CCDC126: variants seen among roughly 807,000 people sequenced by gnomAD.
The protein encoded by CCDC126 is coiled-coil domain containing 126.
A neutral mutation model predicts 11.7 loss-of-function variants in CCDC126; 5 were observed. The ratio of observed to expected loss-of-function variants is 0.43; its 90% CI spans 0.22 to 0.90. CCDC126 has a LOEUF of 0.90. CCDC126 is among the 40% of genes least tolerant of loss of function. The pLI, the probability that CCDC126 is intolerant of heterozygous loss-of-function variation, is 0.27. For missense variants in CCDC126, 150 were observed against 163.1 expected, an observed-to-expected ratio of 0.92 and a Z score of 0.44; for synonymous variants, 60 against 61.9, an observed-to-expected ratio of 0.97 and a Z score of 0.14.
chr7:23,630,542 C>G (rs1783092003), intron 3 of CCDC126, among the ~76,000 whole-genome samples: 1 of 151,144 alleles, frequency 6.6e-6, no homozygotes, highest in African/African-American at 2.4e-5. Flanking sequence ...TGTGGTGGCT[C>G]ACACCTGTAA....
intron 3 of CCDC126, among the ~76,000 whole-genome samples, chr7:23,630,071 G>A (rs1487177837): frequency 6.6e-6 from 1 of 152,168 alleles, no homozygotes; most frequent in Non-Finnish European, 1.5e-5. Context: ...AAAGAGACCA[G>A]CCTTACCTAT....
intron 3 of CCDC126, chr7:23,622,814 C>CCCT: frequency 2.3e-6 from 1 of 441,142 alleles, no homozygotes; most frequent in Non-Finnish European, 4.4e-6. Flanking sequence ...ATTACAGAGC[C>CCCT]CCTCCATTCT....
chr7:23,598,515 A>C (rs781447634), intron 2 of CCDC126: 6 of 152,226 alleles, frequency 3.9e-5, no homozygotes, highest in Non-Finnish European at 8.8e-5. Context: ...GATCAGCTTC[A>C]GAGGTACAAG....
At chr7:23,638,712 TA>T (rs1176764880) in intron 3 of CCDC126, among the ~76,000 whole-genome samples, 11,616 of 44,208 alleles carry the variant, frequency 0.26, 637 homozygotes, top group African/African-American at 0.36. Context: ...GAATGATCAA[TA>T]AAAAAAAAAA....
chr7:23,625,657 T>TC (rs1390746782), intron 3 of CCDC126, among the ~76,000 whole-genome samples: 2 of 137,186 alleles, frequency 1.5e-5, no homozygotes, highest in East Asian at 4.1e-4. Flanking sequence ...TGATTTTTTT[T>TC]TTTTTTTTTT....
At position 23,597,998 on chromosome 7, in the gene CCDC126, A is replaced by C. The variant is rs991938484; in HGVS notation, c.-199A>C. 2 of 152,238 alleles carry C rather than the reference A, an allele frequency of 1.3e-5. No homozygotes were observed. Among genetic ancestry groups the C allele is most frequent in the African/African-American group, 4.8e-5 (2 of 41,458 alleles). 9.4% of individuals were successfully genotyped at this position (152,238 alleles called of 1,614,324 possible). A position where few individuals can be genotyped will look rare whatever the true frequency, so the allele number is the denominator to read the frequency against. On this transcript the variant is annotated 5_prime_UTR_variant, in exon 2 of 4. Coordinates refer to ENST00000307471, the MANE Select transcript of CCDC126 (RefSeq NM_138771.4). ...TCTCTTCTACTTTGGGAGAGAGAGA[A>C]AGTCAGATGCCCCTTTTAAACTCCC... is the stretch of plus-strand genomic sequence containing the variant.
At chr7:23,621,586 G>T (rs1370505842) in intron 3 of CCDC126, among the ~76,000 whole-genome samples, 1 of 152,154 alleles carries the variant, frequency 6.6e-6, no homozygotes, top group Middle Eastern at 3.2e-3. Context: ...TCTCCTGCCT[G>T]ATTGCCCTGG....
chr7:23,643,300 C>T lies in CCDC126; in HGVS notation c.*185C>T. 3.6e-6 allele frequency: 2 copies of T among 556,202 alleles called. No individual in the cohort carries two copies. The highest frequency in any genetic ancestry group is 6.1e-6 in the Non-Finnish European group (2 of 329,224). The allele number at this position is 556,202 out of a possible 1,614,324, so 34.5% of individuals were successfully genotyped here. ...TAAAAATTTTAAAGTTATTTGTTTGCTTTCAGGCAAGTCTGTTCAATGCTG... is the reference window on the plus strand; with the variant it reads ...TAAAAATTTTAAAGTTATTTGTTTGTTTTCAGGCAAGTCTGTTCAATGCTG... On this transcript the variant is annotated 3_prime_UTR_variant, in exon 4 of 4. Coordinates refer to ENST00000307471, the MANE Select transcript of CCDC126 (RefSeq NM_138771.4).
intron 2 of CCDC126, among the ~76,000 whole-genome samples, chr7:23,608,087 T>G (rs1466877968): frequency 6.6e-6 from 1 of 152,212 alleles, no homozygotes; most frequent in Non-Finnish European, 1.5e-5. Flanking sequence ...CAATTGAGCT[T>G]CATACCCATT....
chr7:23,600,385 C>CT (rs1446164598), intron 2 of CCDC126, among the ~76,000 whole-genome samples: 2 of 145,684 alleles, frequency 1.4e-5, no homozygotes, highest in East Asian at 2.1e-4. Context: ...CCCCCCCCCC[C>CT]CCACCACCAT....
At chr7:23,637,890 C>T (rs1783266749) in intron 3 of CCDC126, among the ~76,000 whole-genome samples, 2 of 118,508 alleles carry the variant, frequency 1.7e-5, no homozygotes, top group African/African-American at 6.1e-5. Flanking sequence ...AGGTGAGGGG[C>T]GCCTCTGCCC....
chr7:23,630,914 C>A (rs1056383499), intron 3 of CCDC126, among the ~76,000 whole-genome samples: 1 of 151,652 alleles, frequency 6.6e-6, no homozygotes, highest in Non-Finnish European at 1.5e-5. Flanking sequence ...GGACAACATA[C>A]TTCTAAATAA....
At chr7:23,631,466 A>G (rs1467077049) in intron 3 of CCDC126, among the ~76,000 whole-genome samples, 1 of 152,122 alleles carries the variant, frequency 6.6e-6, no homozygotes, top group East Asian at 1.9e-4. Flanking sequence ...GAATAGCCCT[A>G]TTACTGTTAA....
intron 3 of CCDC126, among the ~76,000 whole-genome samples, chr7:23,641,122 C>T (rs1221658098): frequency 2.0e-5 from 3 of 151,696 alleles, no homozygotes; most frequent in Non-Finnish European, 4.4e-5. Context: ...TTTTATATTC[C>T]CACCACTAAT....
intron 3 of CCDC126, among the ~76,000 whole-genome samples, chr7:23,613,629 T>C (rs775201900): frequency 4.6e-5 from 7 of 152,198 alleles, no homozygotes; most frequent in Non-Finnish European, 1.0e-4. Flanking sequence ...CACATCCATA[T>C]CCTTCTTATC....
chr7:23,614,930 T>C (rs1782772628), intron 3 of CCDC126, among the ~76,000 whole-genome samples: 1 of 152,168 alleles, frequency 6.6e-6, no homozygotes, highest in Non-Finnish European at 1.5e-5. Context: ...TCAGCATAAT[T>C]CATAAGGGCT....
Position 23,612,642 on chromosome 7 carries a change from C to T in CCDC126, c.238+1089C>T, listed in dbSNP as rs143830077. On this transcript the variant is annotated intron_variant, in intron 3 of 3. Transcript: ENST00000307471. ...GAGCCATGTCTGCACCACTGTACTC[C>T]AGCCTAGGCAAGAGAGTGAGACCTC... is the stretch of plus-strand genomic sequence containing the variant. Among the ~76,000 whole-genome samples the T allele has an allele frequency of 3.5e-3, 534 of 151,996 alleles. 6 individuals are homozygous for T. Among genetic ancestry groups the T allele is most frequent in the African/African-American group, 0.012 (501 of 41,454 alleles).
At chr7:23,621,519 C>T (rs576792533) in intron 3 of CCDC126, among the ~76,000 whole-genome samples, 1 of 152,324 alleles carries the variant, frequency 6.6e-6, no homozygotes, top group South Asian at 2.1e-4. Context: ...ATCATGTCAT[C>T]TGCAAACAGG....
At chr7:23,608,863 A>T (rs1782660909) in intron 2 of CCDC126, among the ~76,000 whole-genome samples, 1 of 152,130 alleles carries the variant, frequency 6.6e-6, no homozygotes, top group African/African-American at 2.4e-5. Flanking sequence ...AAACTCAGGG[A>T]TTGGGGTTTT....
Sources: gnomAD v4.1 joint callset for allele counts (sites outside exome capture counted in the v4.1 genomes callset) on GRCh38, gnomAD v4.1.1 for gene constraint, MANE v1.5 for transcripts, NCBI Gene and HGNC (gene_info 2026-07-23, HGNC 2026-07-21) for gene names.